Variants in BRINP1 observed in about 807,000 individuals in gnomAD.
BRINP1 encodes the protein BMP/retinoic acid inducible neural specific 1, also known as BMP/retinoic acid-inducible neural-specific protein 1.
BRINP1 carries 17 observed loss-of-function variants against 72.9 expected under a neutral mutation model. The observed-to-expected ratio is 0.23, with a 90% confidence interval of 0.16 to 0.35. BRINP1 has a LOEUF of 0.35. BRINP1 is among the 10% of genes least tolerant of loss of function. BRINP1 has a pLI of 1.00. For synonymous variants in BRINP1, 418 were observed against 378.5 expected, an observed-to-expected ratio of 1.10 and a Z score of -1.21; for missense variants, 850 against 1,001.6, an observed-to-expected ratio of 0.85 and a Z score of 2.04.
chr9:119,254,641 G>T (rs1246959146), intron 2 of BRINP1, among the ~76,000 whole-genome samples: 1 of 152,186 alleles, frequency 6.6e-6, no homozygotes, highest in African/African-American at 2.4e-5. Context: ...AAAGTCAAAA[G>T]AAGGTGTTGA....
chr9:119,328,382 G>C lies in BRINP1; in HGVS notation c.-50-14977C>G, dbSNP rs552780282. ...AGAGTATACAGTACTTGGCTAAGAT[G>C]GAAAAAGCAGAAGAGCAAATGGCTC... On this transcript the variant is annotated intron_variant, in intron 1 of 7. Coordinates refer to ENST00000265922, the MANE Select transcript of BRINP1 (RefSeq NM_014618.3). Among the ~76,000 whole-genome samples the C allele has an allele frequency of 5.3e-5, 8 of 152,304 alleles. No homozygotes were observed. In the East Asian group the frequency reaches 1.5e-3, roughly 29 times the overall value.
chr9:119,363,927 C>G (rs1484879920), intron 1 of BRINP1, among the ~76,000 whole-genome samples: 1 of 151,974 alleles, frequency 6.6e-6, no homozygotes, highest in Non-Finnish European at 1.5e-5. Flanking sequence ...TTCTATTTGA[C>G]AGCTCTCGTC....
chr9:119,244,793 C>T (rs181863484), intron 3 of BRINP1, among the ~76,000 whole-genome samples: 20 of 152,322 alleles, frequency 1.3e-4, no homozygotes, highest in African/African-American at 7.2e-5. Context: ...TTGGGCATTC[C>T]TGCAAATTGC....
At chr9:119,337,142 G>A (rs1453946364) in intron 1 of BRINP1, among the ~76,000 whole-genome samples, 1 of 152,160 alleles carries the variant, frequency 6.6e-6, no homozygotes, top group African/African-American at 2.4e-5. Context: ...CTCAATAAAT[G>A]TTTGATGAGA....
At chr9:119,295,345 G>T (rs1830864503) in intron 2 of BRINP1, among the ~76,000 whole-genome samples, 1 of 151,984 alleles carries the variant, frequency 6.6e-6, no homozygotes, top group Non-Finnish European at 1.5e-5. Context: ...ATCAGTAGAT[G>T]ATTTTGTCAT....
At chr9:119,280,246 C>CT (rs56094061) in intron 2 of BRINP1, among the ~76,000 whole-genome samples, 74,659 of 148,532 alleles carry the variant, frequency 0.5, 18,903 homozygotes, top group East Asian at 0.67. Context: ...GTTTTTTTTT[C>CT]TTTTTTTTTT....
At chr9:119,170,050 C>T (rs377620397) in intron 7 of BRINP1, among the ~76,000 whole-genome samples, 166 of 152,070 alleles carry the variant, frequency 1.1e-3, no homozygotes, top group East Asian at 3.7e-3. Context: ...ACAGAAAAAC[C>T]GGAAACTCTA....
chr9:119,212,146 T>C (rs1218981015), intron 6 of BRINP1, among the ~76,000 whole-genome samples: 1 of 152,168 alleles, frequency 6.6e-6, no homozygotes, highest in Non-Finnish European at 1.5e-5. Flanking sequence ...GGATTTTCAG[T>C]GGACTAATGG....
intron 7 of BRINP1, among the ~76,000 whole-genome samples, chr9:119,196,688 G>A (rs1014796635): frequency 2.0e-5 from 3 of 152,168 alleles, no homozygotes; most frequent in Non-Finnish European, 2.9e-5. Context: ...TAAACCTGTG[G>A]AGGAGATATT....
intron 1 of BRINP1, among the ~76,000 whole-genome samples, chr9:119,328,662 A>G (rs1479511353): frequency 6.6e-6 from 1 of 152,210 alleles, no homozygotes; most frequent in Admixed American, 6.5e-5. Flanking sequence ...GATAACGGAG[A>G]TAAATCTGTA....
chr9:119,214,716 A>G, intron 5 of BRINP1, among the ~76,000 whole-genome samples: 1 of 152,312 alleles, frequency 6.6e-6, no homozygotes, highest in East Asian at 1.9e-4. Context: ...TATGAGGCAA[A>G]TGAACAGCAG....
intron 2 of BRINP1, among the ~76,000 whole-genome samples, chr9:119,249,839 G>GAAGGAAGGAAGGAAGGAAGGAAGGAAGA (rs1554751040): frequency 1.5e-4 from 10 of 66,872 alleles, no homozygotes; most frequent in African/African-American, 6.7e-4. Context: ...AGGAAGGAAG[G>GAAGGAAGGAAGGAAGGAAGGAAGGAAGA]AAGGAAGGAA....
chr9:119,168,700 A>ACAT (rs1829353078), intron 7 of BRINP1, among the ~76,000 whole-genome samples: 1 of 118,816 alleles, frequency 8.4e-6, no homozygotes, highest in Non-Finnish European at 2.0e-5. Flanking sequence ...AGGGTGTATA[A>ACAT]CATCTACCAA....
chr9:119,303,632 G>A (rs1478430109), intron 2 of BRINP1, among the ~76,000 whole-genome samples: 1 of 152,046 alleles, frequency 6.6e-6, no homozygotes, highest in African/African-American at 2.4e-5. Flanking sequence ...TGTCTCTGGC[G>A]CTCTTTCTTT....
chr9:119,246,749 A>C (rs1830322979), intron 3 of BRINP1, among the ~76,000 whole-genome samples: 1 of 152,184 alleles, frequency 6.6e-6, no homozygotes, highest in South Asian at 2.1e-4. Flanking sequence ...GCTCTTAAAA[A>C]ACATGTTTTC....
chr9:119,192,797 C>T (rs1312395245), intron 7 of BRINP1, among the ~76,000 whole-genome samples: 1 of 152,044 alleles, frequency 6.6e-6, no homozygotes, highest in African/African-American at 2.4e-5. Context: ...TCTGCACTCC[C>T]ATATTAACTG....
At position 119,338,716 on chromosome 9, in the gene BRINP1, C is replaced by CAA. The variant is rs560291604; in HGVS notation, c.-50-25313_-50-25312dup. ...TGAAACCCCATCTCTACTAAAAATA[C>CAA]AAAAAAAAAAAAAAAAGAAGAAGAA... On this transcript the variant is annotated intron_variant, in intron 1 of 7. Transcript: ENST00000265922. Among the ~76,000 whole-genome samples the CAA allele has an allele frequency of 2.3e-3, 245 of 108,500 alleles. 3 individuals carry two copies. The highest frequency in any genetic ancestry group is 0.022 in the Middle Eastern group (4 of 184). 71.2% of individuals were successfully genotyped at this position (108,500 alleles called of 152,430 possible).
intron 1 of BRINP1, among the ~76,000 whole-genome samples, chr9:119,361,797 ATT>A (rs869281749): frequency 0.013 from 840 of 64,462 alleles, 8 homozygotes; most frequent in African/African-American, 0.047. Context: ...CAGTTTTTGC[ATT>A]TTTTTTTTTT....
At chr9:119,242,505 C>A (rs530095261) in intron 3 of BRINP1, among the ~76,000 whole-genome samples, 1 of 152,330 alleles carries the variant, frequency 6.6e-6, no homozygotes, top group Non-Finnish European at 1.5e-5. Flanking sequence ...AAACCCTCTT[C>A]CCCTCTTCCA....
Sources: gnomAD v4.1 joint callset for allele counts (sites outside exome capture counted in the v4.1 genomes callset) on GRCh38, gnomAD v4.1.1 for gene constraint, MANE v1.5 for transcripts, NCBI Gene and HGNC (gene_info 2026-07-23, HGNC 2026-07-21) for gene names.